RUNX2: variants seen among roughly 807,000 people sequenced by gnomAD.
The protein encoded by RUNX2 is RUNX family transcription factor 2.
A neutral mutation model predicts 51.7 loss-of-function variants in RUNX2; 10 were observed. That is an observed-to-expected ratio of 0.19 (90% confidence interval 0.12 to 0.33). The LOEUF is 0.33. RUNX2 is among the 10% of genes least tolerant of loss of function. The pLI is 1.00. For synonymous variants in RUNX2, 276 were observed against 273.6 expected (o/e 1.01, Z -0.09); for missense variants, 562 against 691.3 (o/e 0.81, Z 2.10).
Position 45,388,836 on chromosome 6 carries a change from A to G in RUNX2, c.59-33757A>G, listed in dbSNP as rs1434132810. Among the ~76,000 whole-genome samples the G allele has an allele frequency of 3.9e-5, 6 of 152,046 alleles. No individual in the cohort carries two copies. The East Asian group carries it at 9.6e-4, about 24-fold the overall frequency. ...TTACAAAGCAAATACTATAAAAAAA[A>G]TCTTGCTTCTCTACTCTCATTTTAC... On this transcript the variant is annotated intron_variant, in intron 2 of 8. Coordinates refer to ENST00000647337, the MANE Select transcript of RUNX2 (RefSeq NM_001024630.4).
chr6:45,479,970 A>G (rs1206575602), intron 5 of RUNX2, among the ~76,000 whole-genome samples: 2 of 152,240 alleles, frequency 1.3e-5, no homozygotes, highest in African/African-American at 2.4e-5. Context: ...ACAGAGTGGC[A>G]TGTAAGAACA....
intron 2 of RUNX2, among the ~76,000 whole-genome samples, chr6:45,357,336 T>C (rs971327176): frequency 2.6e-5 from 4 of 152,158 alleles, no homozygotes; most frequent in Admixed American, 6.5e-5. Context: ...GTACCTTTTT[T>C]ATTTTTTATT....
chr6:45,377,702 T>A (rs969071104), intron 2 of RUNX2: 9 of 152,068 alleles, frequency 5.9e-5, no homozygotes, highest in Admixed American at 5.2e-4. Flanking sequence ...CCGCTCTGCG[T>A]CCCTCCCGGC....
chr6:45,427,192 A>C (rs551748646), intron 3 of RUNX2, among the ~76,000 whole-genome samples: 2 of 152,088 alleles, frequency 1.3e-5, no homozygotes, highest in African/African-American at 2.4e-5. Context: ...AATACTTATA[A>C]AATTTTTTAG....
chr6:45,504,787 G>T (rs969881715), intron 6 of RUNX2, among the ~76,000 whole-genome samples: 4 of 152,138 alleles, frequency 2.6e-5, no homozygotes, highest in Admixed American at 1.3e-4. Context: ...GCAATTAAGA[G>T]GCATAGTTCT....
intron 2 of RUNX2, among the ~76,000 whole-genome samples, chr6:45,352,630 G>A (rs969637668): frequency 6.6e-6 from 1 of 152,062 alleles, no homozygotes; most frequent in Non-Finnish European, 1.5e-5. Flanking sequence ...GGACATCACT[G>A]TATTACAAGT....
Position 45,482,549 on chromosome 6 carries a change from A to C in RUNX2, c.686-9392A>C, listed in dbSNP as rs116370409. 8.5e-3 allele frequency among the ~76,000 whole-genome samples: 1,292 copies of C among 152,350 alleles called. 18 individuals are homozygous for C. Among genetic ancestry groups the C allele is most frequent in the African/African-American group, 0.029 (1,203 of 41,586 alleles). ...CAATCCTTAGAAGCCTAAATTTTGA[A>C]AGGAGCAGGCCTTCACTTCTCTCTC... On this transcript the variant is annotated intron_variant, in intron 5 of 8. Transcript: ENST00000647337.
intron 2 of RUNX2, among the ~76,000 whole-genome samples, chr6:45,392,484 G>A (rs1281264710): frequency 1.3e-5 from 2 of 152,146 alleles, no homozygotes; most frequent in Non-Finnish European, 2.9e-5. Context: ...CTGGACAACA[G>A]AGTGAGATTC....
intron 2 of RUNX2, among the ~76,000 whole-genome samples, chr6:45,376,538 C>G (rs1217317025): frequency 6.6e-6 from 1 of 152,218 alleles, no homozygotes; most frequent in African/African-American, 2.4e-5. Flanking sequence ...CCTAAAGGCA[C>G]AGATTATGGA....
intron 2 of RUNX2, among the ~76,000 whole-genome samples, chr6:45,335,489 T>G (rs1222830223): frequency 1.3e-5 from 2 of 151,296 alleles, no homozygotes; most frequent in Non-Finnish European, 3.0e-5. Flanking sequence ...TATAAGATAC[T>G]TTAATGCAAA....
At chr6:45,420,254 C>G (rs191718783) in intron 2 of RUNX2, among the ~76,000 whole-genome samples, 1 of 152,238 alleles carries the variant, frequency 6.6e-6, no homozygotes, top group African/African-American at 2.4e-5. Context: ...CTCGAAAGGG[C>G]TCCAGAGTCC....
intron 5 of RUNX2, among the ~76,000 whole-genome samples, chr6:45,438,889 T>C (rs1467050551): frequency 6.6e-6 from 1 of 152,118 alleles, no homozygotes; most frequent in Non-Finnish European, 1.5e-5. Flanking sequence ...GGAAACATCA[T>C]ATAGAACTCT....
At chr6:45,513,948 T>C (rs1801241924) in intron 7 of RUNX2, among the ~76,000 whole-genome samples, 1 of 152,214 alleles carries the variant, frequency 6.6e-6, no homozygotes, top group Non-Finnish European at 1.5e-5. Context: ...TTCTGGTTAT[T>C]CCTTCTGCAT....
chr6:45,353,885 C>T (rs1284192364), intron 2 of RUNX2, among the ~76,000 whole-genome samples: 1 of 149,438 alleles, frequency 6.7e-6, no homozygotes, highest in Non-Finnish European at 1.5e-5. Context: ...AAGGTCAGTG[C>T]CTTTAGTATA....
At chr6:45,463,023 G>C (rs1224241195) in intron 5 of RUNX2, among the ~76,000 whole-genome samples, 1 of 152,202 alleles carries the variant, frequency 6.6e-6, no homozygotes, top group African/African-American at 2.4e-5. Flanking sequence ...CAGTGGCACA[G>C]GCACCTTTAC....
At chr6:45,419,087 A>T (rs1798122059) in intron 2 of RUNX2, among the ~76,000 whole-genome samples, 1 of 152,264 alleles carries the variant, frequency 6.6e-6, no homozygotes, top group South Asian at 2.1e-4. Context: ...AAGGAGGAAA[A>T]GTCCCCAAGG....
chr6:45,442,195 G>A lies in RUNX2; in HGVS notation c.685+4144G>A, dbSNP rs947825000. 2.6e-5 allele frequency among the ~76,000 whole-genome samples: 4 copies of A among 152,276 alleles called. No homozygotes were observed. In the South Asian group the frequency reaches 8.3e-4, roughly 32 times the overall value. On this transcript the variant is annotated intron_variant, in intron 5 of 8. Coordinates refer to ENST00000647337, the MANE Select transcript of RUNX2 (RefSeq NM_001024630.4). The stretch of plus-strand genomic sequence containing the variant: ...TCTTAAGTAGCGTAAACATGAAAAT[G>A]GTACACATCTTTACAAAATGCCATT...
At chr6:45,512,161 C>A in intron 6 of RUNX2, 85 bp from the exon 7 acceptor site, 1 of 1,382,394 alleles carries the variant, frequency 7.2e-7, no homozygotes, top group Non-Finnish European at 1.0e-6. Context: ...TGTTTTTCTG[C>A]TTTTTCCTTT....
intron 2 of RUNX2, among the ~76,000 whole-genome samples, chr6:45,376,520 C>T (rs534408676): frequency 6.6e-6 from 1 of 152,286 alleles, no homozygotes; most frequent in Admixed American, 6.5e-5. Flanking sequence ...CCTAGGCTAC[C>T]ACTAGTGCCT....
Sources: gnomAD v4.1 joint callset for allele counts (sites outside exome capture counted in the v4.1 genomes callset) on GRCh38, gnomAD v4.1.1 for gene constraint, MANE v1.5 for transcripts, NCBI Gene and HGNC (gene_info 2026-07-23, HGNC 2026-07-21) for gene names.